The following PTPRT variants were observed in gnomAD, a reference collection of about 807,000 sequenced individuals.
The protein encoded by PTPRT is receptor-type tyrosine-protein phosphatase T.
In PTPRT, 56 loss-of-function variants were observed where a neutral mutation model predicts 176.8. That is an observed-to-expected ratio of 0.32 (90% CI 0.26 to 0.40). The LOEUF is 0.40. Ranked by LOEUF, PTPRT falls within the 10% of genes least tolerant of loss-of-function variation. The pLI, the probability that PTPRT is intolerant of heterozygous loss-of-function variation, is 1.00. For missense variants in PTPRT, 1,540 were observed against 1,908.2 expected (o/e 0.81, Z 3.60); for synonymous variants, 783 against 739.0 (o/e 1.06, Z -0.96).
Position 42,084,184 on chromosome 20 carries a change from C to T in PTPRT, c.4136+498G>A, listed in dbSNP as rs78331260. 1.4e-3 allele frequency among the ~76,000 whole-genome samples: 206 copies of T among 152,322 alleles called. 3 individuals are homozygous for T. The East Asian group carries it at 0.035, about 26-fold the overall frequency. ...TCTCGAGGTCCTGACCTCCACCCAG[C>T]GTAATGACACCAGAATTCATTAGAC... On this transcript the variant is annotated intron_variant, in intron 29 of 30. Transcript: ENST00000373187.
intron 2 of PTPRT, among the ~76,000 whole-genome samples, chr20:42,839,609 G>A (rs558121236): frequency 5.3e-5 from 8 of 152,230 alleles, no homozygotes; most frequent in Non-Finnish European, 8.8e-5. Flanking sequence ...GGAAAGCAGC[G>A]ATTCCCTTGA....
At chr20:42,754,701 T>A (rs1337183956) in intron 6 of PTPRT, among the ~76,000 whole-genome samples, 1 of 152,146 alleles carries the variant, frequency 6.6e-6, no homozygotes, top group Non-Finnish European at 1.5e-5. Context: ...ATTTTTAAAG[T>A]TTTTTTTCAT....
chr20:42,112,052 A>C (rs537585735), intron 22 of PTPRT, among the ~76,000 whole-genome samples: 14 of 152,264 alleles, frequency 9.2e-5, no homozygotes, highest in Admixed American at 2.0e-4. Flanking sequence ...GAAGGCCTTG[A>C]ATCTACATTA....
At chr20:42,715,622 T>C (rs1441530254) in intron 6 of PTPRT, among the ~76,000 whole-genome samples, 1 of 152,104 alleles carries the variant, frequency 6.6e-6, no homozygotes, top group Non-Finnish European at 1.5e-5. Flanking sequence ...TGGATACATA[T>C]ACACAAATAT....
Position 43,149,370 on chromosome 20 carries a change from T to C in PTPRT, c.88+40276A>G, listed in dbSNP as rs2014270507. ...AACTGCTTGCACTAGGTTAATTCTA[T>C]TCACTGGAGAAAAGCCAACCAAATA... is the stretch of plus-strand genomic sequence containing the variant. On this transcript the variant is annotated intron_variant, in intron 1 of 30. Coordinates refer to ENST00000373187, the MANE Select transcript of PTPRT (RefSeq NM_007050.6). 1.3e-5 allele frequency among the ~76,000 whole-genome samples: 2 copies of C among 152,206 alleles called. 1 individual carries two copies. Among genetic ancestry groups the C allele is most frequent in the Non-Finnish European group, 2.9e-5 (2 of 68,038 alleles).
intron 7 of PTPRT, among the ~76,000 whole-genome samples, chr20:42,483,835 G>A (rs1348615253): frequency 6.6e-6 from 1 of 152,212 alleles, no homozygotes; most frequent in Non-Finnish European, 1.5e-5. Flanking sequence ...AGGCTAGGAT[G>A]GCACAAATCA....
intron 1 of PTPRT, among the ~76,000 whole-genome samples, chr20:43,136,196 T>G (rs1228976627): frequency 1.3e-5 from 2 of 152,248 alleles, no homozygotes; most frequent in African/African-American, 4.8e-5. Context: ...CCCAGTTTTA[T>G]GAATCATTCT....
intron 1 of PTPRT, among the ~76,000 whole-genome samples, chr20:43,161,723 T>A (rs1036235644): frequency 2.4e-4 from 36 of 152,010 alleles, no homozygotes; most frequent in Non-Finnish European, 7.4e-5. Flanking sequence ...CTTTTCCCCA[T>A]TTTTCCTGCA....
At chr20:42,752,133 C>T (rs2076778477) in intron 6 of PTPRT, among the ~76,000 whole-genome samples, 1 of 152,178 alleles carries the variant, frequency 6.6e-6, no homozygotes, top group African/African-American at 2.4e-5. Context: ...TCCCCAAAGC[C>T]ACAGAGACAG....
chr20:42,404,995 C>G (rs1208644831), intron 9 of PTPRT, among the ~76,000 whole-genome samples: 1 of 26,876 alleles, frequency 3.7e-5, no homozygotes, highest in African/African-American at 1.2e-4. Flanking sequence ...TATACACACA[C>G]ACACAAATAT....
chr20:42,161,450 G>T lies in PTPRT; in HGVS notation c.2584C>A (p.Arg862=), dbSNP rs1201649058. 6.2e-7 allele frequency: 1 copy of T among 1,614,040 alleles called. No individual in the cohort carries two copies. The highest frequency in any genetic ancestry group is 1.7e-5 in the Admixed American group (1 of 60,004). Residue 862 remains arginine (R), a synonymous_variant, in exon 17 of 31, where the codon CGG becomes AGG. Coordinates refer to ENST00000373187, the MANE Select transcript of PTPRT (RefSeq NM_007050.6). ...TCDPVEMSYP[R]DQFQPAIRVA... ...CGGATGGCGGGTTGGAACTGGTCCC[G>T]GGGGTAGCTCATCTCCACAGGGTCA...
intron 7 of PTPRT, among the ~76,000 whole-genome samples, chr20:42,644,645 T>A (rs1030088493): frequency 6.6e-6 from 1 of 152,078 alleles, no homozygotes; most frequent in Non-Finnish European, 1.5e-5. Flanking sequence ...GCCCTCAAAG[T>A]CCAGAGACTC....
intron 12 of PTPRT, among the ~76,000 whole-genome samples, chr20:42,299,587 G>C (rs1349353389): frequency 1.3e-5 from 2 of 150,952 alleles, no homozygotes; most frequent in Non-Finnish European, 2.9e-5. Context: ...AAGAGTGAAG[G>C]CTGGAATAAA....
chr20:42,827,083 GA>G (rs1389342232), intron 2 of PTPRT, among the ~76,000 whole-genome samples: 1 of 152,102 alleles, frequency 6.6e-6, no homozygotes, highest in East Asian at 1.9e-4. Context: ...GACCTACAAG[GA>G]GATTTCAAGT....
At position 42,270,868 on chromosome 20, in the gene PTPRT, T is replaced by G. The variant is rs569872255; in HGVS notation, c.2176+11621A>C. On this transcript the variant is annotated intron_variant, in intron 13 of 30. Transcript: ENST00000373187. ...CAGTCTAGACACATGGGAGCCCTCC[T>G]TTTTTCTGATGTCCCTCTTATAATC... Among the ~76,000 whole-genome samples, 5 of 152,280 alleles carry G rather than the reference T, an allele frequency of 3.3e-5. No individual in the cohort carries two copies. The South Asian group carries it at 1.0e-3, about 32-fold the overall frequency.
At chr20:43,157,284 A>T (rs1182507336) in intron 1 of PTPRT, among the ~76,000 whole-genome samples, 3 of 151,798 alleles carry the variant, frequency 2.0e-5, no homozygotes, top group Non-Finnish European at 4.4e-5. Flanking sequence ...GGATCACTTG[A>T]GCCTGAGAGG....
At chr20:42,617,034 C>G (rs1477051345) in intron 7 of PTPRT, among the ~76,000 whole-genome samples, 2 of 130,866 alleles carry the variant, frequency 1.5e-5, no homozygotes, top group African/African-American at 6.8e-5. Context: ...CAAGGGAATG[C>G]TTCCAGTTTT....
At chr20:42,944,229 C>CG (rs1409017055) in intron 1 of PTPRT, among the ~76,000 whole-genome samples, 1 of 152,020 alleles carries the variant, frequency 6.6e-6, no homozygotes, top group African/African-American at 2.4e-5. Flanking sequence ...ATTTTAGAGC[C>CG]GGGGGGCGGA....
intron 7 of PTPRT, among the ~76,000 whole-genome samples, chr20:42,531,471 G>A (rs1261460985): frequency 6.6e-6 from 1 of 152,200 alleles, no homozygotes; most frequent in Non-Finnish European, 1.5e-5. Flanking sequence ...CACTGGTGCT[G>A]GTTAGGCGAG....
Sources: allele counts gnomAD v4.1 joint callset (sites outside exome capture counted in the v4.1 genomes callset), GRCh38; gene constraint gnomAD v4.1.1; transcripts MANE v1.5; gene names NCBI Gene and HGNC (gene_info 2026-07-23, HGNC 2026-07-21).